Variants in RNLS observed in about 807,000 individuals in gnomAD.
RNLS encodes renalase.
Under a neutral mutation model 39.8 loss-of-function variants are expected in RNLS, and 39 were observed. The ratio of observed to expected loss-of-function variants is 0.98; its 90% CI spans 0.76 to 1.28. The LOEUF (loss-of-function observed/expected upper bound fraction) is 1.28. Among genes scored for constraint, RNLS ranks in the 50% most tolerant of loss-of-function variants. RNLS has a pLI of 0.00. For missense variants in RNLS, 410 were observed against 413.3 expected, an observed-to-expected ratio of 0.99 and a Z score of 0.07; for synonymous variants, 147 against 150.7, an observed-to-expected ratio of 0.98 and a Z score of 0.18.
intron 4 of RNLS, among the ~76,000 whole-genome samples, chr10:88,513,934 A>G (rs1196001153): frequency 5.9e-5 from 9 of 152,062 alleles, no homozygotes; most frequent in Admixed American, 3.3e-4. Context: ...CATTTATTTT[A>G]GTGAAGTTCA....
chr10:88,309,466 C>T, intron 6 of RNLS: 3 of 1,289,712 alleles, frequency 2.3e-6, no homozygotes, highest in Non-Finnish European at 3.0e-6. Flanking sequence ...ACTTCCCCCA[C>T]CAAACAAAAT....
At chr10:88,397,582 A>C (rs1852636462) in intron 4 of RNLS, among the ~76,000 whole-genome samples, 1 of 151,914 alleles carries the variant, frequency 6.6e-6, no homozygotes, top group Non-Finnish European at 1.5e-5. Flanking sequence ...AGAGCAAAAT[A>C]GGCCCAAAGA....
At chr10:88,399,988 T>C (rs1253289022) in intron 4 of RNLS, among the ~76,000 whole-genome samples, 1 of 152,002 alleles carries the variant, frequency 6.6e-6, no homozygotes, top group Non-Finnish European at 1.5e-5. Context: ...CTTGTGGCTA[T>C]TTCACTCGAA....
At chr10:88,538,808 G>A (rs962844933) in intron 4 of RNLS, among the ~76,000 whole-genome samples, 2 of 151,926 alleles carry the variant, frequency 1.3e-5, no homozygotes, top group African/African-American at 2.4e-5. Context: ...CTTGGGCTAC[G>A]GAAGGAAGTT....
At chr10:88,423,538 T>C (rs1043418154) in intron 4 of RNLS, among the ~76,000 whole-genome samples, 1 of 152,206 alleles carries the variant, frequency 6.6e-6, no homozygotes, top group Non-Finnish European at 1.5e-5. Flanking sequence ...GCTGAGTTTA[T>C]GGGTTTAAGA....
chr10:88,501,879 A>G (rs1845509084), intron 4 of RNLS, among the ~76,000 whole-genome samples: 1 of 152,164 alleles, frequency 6.6e-6, no homozygotes, highest in South Asian at 2.1e-4. Context: ...TTTGTTCCAT[A>G]TGATCTTCAC....
chr10:88,431,373 T>C (rs2133809611), intron 4 of RNLS, among the ~76,000 whole-genome samples: 1 of 151,856 alleles, frequency 6.6e-6, no homozygotes, highest in East Asian at 1.9e-4. Flanking sequence ...ATTTTCATGA[T>C]CAGTCTGGCT....
chr10:88,469,247 T>C (rs1019984342), intron 4 of RNLS, among the ~76,000 whole-genome samples: 8 of 152,196 alleles, frequency 5.3e-5, no homozygotes, highest in African/African-American at 1.9e-4. Context: ...ATCACAAAGT[T>C]CAGTGCCCTG....
intron 4 of RNLS, among the ~76,000 whole-genome samples, chr10:88,452,686 C>G (rs150627811): frequency 3.3e-5 from 5 of 152,220 alleles, no homozygotes; most frequent in African/African-American, 1.2e-4. Context: ...CATTAAATCT[C>G]AAGCTATGGC....
Position 88,423,744 on chromosome 10 carries a change from T to C in RNLS, c.527-61019A>G, listed in dbSNP as rs371616035. Among the ~76,000 whole-genome samples the C allele has an allele frequency of 7.2e-5, 11 of 152,242 alleles. No individual in the cohort carries two copies. The East Asian group carries it at 1.2e-3, about 16-fold the overall frequency. ...GATCTGCTTTCAATAAATAGGACTATGCATTGGTACTCCAAATTCTCCTCA... is the reference window on the plus strand; with the variant it reads ...GATCTGCTTTCAATAAATAGGACTACGCATTGGTACTCCAAATTCTCCTCA... On this transcript the variant is annotated intron_variant, in intron 4 of 6. Transcript: ENST00000331772.
At chr10:88,245,297 T>C in the RNLS span, among the ~76,000 whole-genome samples, 2 of 152,224 alleles carry the variant, frequency 1.3e-5, no homozygotes, top group Non-Finnish European at 2.9e-5. Context: ...AGCACCATTG[T>C]TCGTTCAAAA....
chr10:88,308,414 T>C (rs1363441234), intron 6 of RNLS, among the ~76,000 whole-genome samples: 2 of 149,578 alleles, frequency 1.3e-5, no homozygotes, highest in African/African-American at 4.9e-5. Flanking sequence ...CCAGCAACTA[T>C]AAGGAACTTA....
intron 4 of RNLS, among the ~76,000 whole-genome samples, chr10:88,367,054 T>C (rs2133399506): frequency 6.6e-6 from 1 of 151,978 alleles, no homozygotes; most frequent in East Asian, 1.9e-4. Context: ...GCACACAATA[T>C]ATGTACACAT....
chr10:88,460,478 TATCAC>T (rs1275446723), intron 4 of RNLS, among the ~76,000 whole-genome samples: 1 of 152,130 alleles, frequency 6.6e-6, no homozygotes, highest in African/African-American at 2.4e-5. Context: ...TCAACCTCAT[TATCAC>T]ATCACAACTC....
At chr10:88,292,460 T>C (rs1040358146) in intron 6 of RNLS, among the ~76,000 whole-genome samples, 2 of 151,862 alleles carry the variant, frequency 1.3e-5, no homozygotes, top group Admixed American at 1.3e-4. Context: ...AGGCTTTATC[T>C]TTGCCTGTAA....
At chr10:88,332,318 G>T (rs1285322288) in intron 5 of RNLS, among the ~76,000 whole-genome samples, 1 of 152,252 alleles carries the variant, frequency 6.6e-6, no homozygotes. Context: ...TTTAATTGAA[G>T]AGTAAAGTTC....
intron 4 of RNLS, among the ~76,000 whole-genome samples, chr10:88,421,913 A>G (rs1476677496): frequency 6.6e-6 from 1 of 152,046 alleles, no homozygotes; most frequent in Admixed American, 6.6e-5. Context: ...AGCCCCACAC[A>G]TCGCTTTCCT....
At chr10:88,182,848 C>G in the RNLS span, among the ~76,000 whole-genome samples, 2 of 151,876 alleles carry the variant, frequency 1.3e-5, no homozygotes, top group African/African-American at 4.8e-5. Context: ...AGAAACAATA[C>G]CATTAGCAAG....
the RNLS span, among the ~76,000 whole-genome samples, chr10:88,263,996 A>G: frequency 9.9e-5 from 15 of 152,236 alleles, no homozygotes; most frequent in Middle Eastern, 3.4e-3. Context: ...CCAAGTCCCC[A>G]AAGTCCATTG....
Sources: gnomAD v4.1 joint callset for allele counts (sites outside exome capture counted in the v4.1 genomes callset) on GRCh38, gnomAD v4.1.1 for gene constraint, MANE v1.5 for transcripts, NCBI Gene and HGNC (gene_info 2026-07-23, HGNC 2026-07-21) for gene names.